The following NUMB variants were observed in gnomAD, a reference collection of about 807,000 sequenced individuals.
NUMB encodes protein numb homolog.
In NUMB, 29 loss-of-function variants were observed where a neutral mutation model predicts 59.7. The observed-to-expected ratio is 0.49, with a 90% CI of 0.36 to 0.66. The LOEUF (loss-of-function observed/expected upper bound fraction) is 0.66. NUMB is among the 30% of genes least tolerant of loss of function. The pLI is 0.00. For missense variants in NUMB, 723 were observed against 822.0 expected, an observed-to-expected ratio of 0.88 and a Z score of 1.47; for synonymous variants, 288 against 288.2, an observed-to-expected ratio of 1.00 and a Z score of 0.01.
chr14:73,304,856 G>A (rs951781097), intron 6 of NUMB, among the ~76,000 whole-genome samples: 2 of 152,064 alleles, frequency 1.3e-5, no homozygotes, highest in East Asian at 1.9e-4. Flanking sequence ...CACCTCCTGC[G>A]TTCAAGCGAT....
At chr14:73,396,321 GGTGTGT>G (rs200195176) in intron 2 of NUMB, among the ~76,000 whole-genome samples, 9,649 of 144,246 alleles carry the variant, frequency 0.067, 526 homozygotes, top group African/African-American at 0.13. Flanking sequence ...AATTATTAGG[GGTGTGT>G]GTGTGTGTGT....
At chr14:73,408,300 A>G (rs1446770793) in intron 2 of NUMB, among the ~76,000 whole-genome samples, 2 of 152,158 alleles carry the variant, frequency 1.3e-5, no homozygotes, top group East Asian at 3.9e-4. Context: ...ACAATCCTGA[A>G]AAAGACTTCC....
intron 4 of NUMB, among the ~76,000 whole-genome samples, chr14:73,340,651 C>T (rs997448123): frequency 4.6e-5 from 7 of 152,174 alleles, no homozygotes; most frequent in African/African-American, 1.7e-4. Context: ...AATGAATTAT[C>T]GGTCTCATAG....
intron 6 of NUMB, among the ~76,000 whole-genome samples, chr14:73,307,355 C>T (rs1330190060): frequency 6.7e-6 from 1 of 149,938 alleles, no homozygotes; most frequent in African/African-American, 2.5e-5. Flanking sequence ...GTGTGTGTGT[C>T]TGGGGGAGAG....
At chr14:73,386,867 ATT>A (rs71112745) in intron 2 of NUMB, among the ~76,000 whole-genome samples, 7 of 79,844 alleles carry the variant, frequency 8.8e-5, no homozygotes, top group East Asian at 5.4e-4. Flanking sequence ...CAGGTGTCTT[ATT>A]TTTTTTTTTT....
rs1220051605 is a variant in NUMB at position 73,309,995 on chromosome 14, A to T, written c.234+6395T>A. 2.0e-5 allele frequency among the ~76,000 whole-genome samples: 3 copies of T among 152,322 alleles called. No individual in the cohort carries two copies. In the East Asian group the frequency reaches 5.8e-4, roughly 29 times the overall value. ...AATGGTGCCATTTAGCAATTGTAAA[A>T]ACATAAAAACTTGAAAAACTATATT... is the stretch of plus-strand genomic sequence containing the variant. On this transcript the variant is annotated intron_variant, in intron 6 of 12. Coordinates refer to ENST00000555238, the MANE Select transcript of NUMB (RefSeq NM_001005743.2).
At position 73,447,510 on chromosome 14, in the gene NUMB, A is replaced by T. The variant is rs369916371; in HGVS notation, c.-233+10983T>A. ...CTCAAAAAATAAATAAATATATATA[A>T]AATTAGTCTAGAGTATTACAGAAAG... is the stretch of plus-strand genomic sequence containing the variant. On this transcript the variant is annotated intron_variant, in intron 1 of 12. Coordinates refer to ENST00000555238, the MANE Select transcript of NUMB (RefSeq NM_001005743.2). Among the ~76,000 whole-genome samples, 14 of 151,962 alleles carry T rather than the reference A, an allele frequency of 9.2e-5. No homozygotes were observed. The South Asian group carries it at 2.3e-3, about 25-fold the overall frequency.
chr14:73,364,998 C>G (rs981794994), intron 3 of NUMB, among the ~76,000 whole-genome samples: 4 of 151,992 alleles, frequency 2.6e-5, no homozygotes, highest in African/African-American at 7.3e-5. Context: ...GCAAAGAAAA[C>G]AAAGAGGAAA....
chr14:73,368,927 A>T (rs1894522396), intron 2 of NUMB, among the ~76,000 whole-genome samples: 1 of 152,228 alleles, frequency 6.6e-6, no homozygotes. Context: ...ATATAAAAAC[A>T]ACTTAAACTA....
chr14:73,458,198 T>G, intron 1 of NUMB: 3 of 151,198 alleles, frequency 2.0e-5, no homozygotes, highest in East Asian at 2.0e-4. Context: ...GTCAGCGCGC[T>G]AGACCGGAGC....
chr14:73,327,349 C>T (rs893291995), intron 4 of NUMB, among the ~76,000 whole-genome samples: 12 of 152,272 alleles, frequency 7.9e-5, no homozygotes, highest in East Asian at 5.8e-4. Context: ...CTCTGCCTCC[C>T]GGGTTCAAGC....
rs189117106 is a variant in NUMB, at chr14:73,340,394, T to G, written c.126+15232A>C. Among the ~76,000 whole-genome samples the G allele has an allele frequency of 1.0e-3, 156 of 152,284 alleles. 1 individual carries two copies. The highest frequency in any genetic ancestry group is 2.3e-3 in the African/African-American group (94 of 41,572). The stretch of plus-strand genomic sequence containing the variant: ...AGGCAAACTGCGCCATCTGGCCCAG[T>G]GGCTGTTTACCTCAGGCTTTCCCCT... On this transcript the variant is annotated intron_variant, in intron 4 of 12. Transcript: ENST00000555238.
At chr14:73,445,812 G>C (rs1160850041) in intron 1 of NUMB, among the ~76,000 whole-genome samples, 1 of 152,120 alleles carries the variant, frequency 6.6e-6, no homozygotes, top group Non-Finnish European at 1.5e-5. Context: ...GGCAATTGGA[G>C]TTCATTTTAC....
chr14:73,406,627 G>C (rs1469097455), intron 2 of NUMB, among the ~76,000 whole-genome samples: 1 of 152,164 alleles, frequency 6.6e-6, no homozygotes, highest in Non-Finnish European at 1.5e-5. Flanking sequence ...CAATGGCTGG[G>C]TCAAATGGTA....
chr14:73,335,239 T>C (rs1892238917), intron 4 of NUMB, among the ~76,000 whole-genome samples: 1 of 148,248 alleles, frequency 6.7e-6, no homozygotes, highest in African/African-American at 2.5e-5. Context: ...ATGGGCATCA[T>C]TCTATCACTT....
chr14:73,289,412 T>C (rs1185106479), intron 8 of NUMB, among the ~76,000 whole-genome samples: 1 of 152,222 alleles, frequency 6.6e-6, no homozygotes, highest in African/African-American at 2.4e-5. Flanking sequence ...ATTTTGCTAA[T>C]TGTGGAATAA....
chr14:73,300,349 G>A (rs542977511), intron 6 of NUMB, among the ~76,000 whole-genome samples: 1 of 152,252 alleles, frequency 6.6e-6, no homozygotes, highest in South Asian at 2.1e-4. Context: ...GTAAAGGAGG[G>A]AGTAGCAAGT....
At position 73,323,223 on chromosome 14, in the gene NUMB, G is replaced by A; in HGVS notation, c.127-19C>T. 1.3e-6 allele frequency: 2 copies of A among 1,567,836 alleles called. No homozygotes were observed. The highest frequency in any genetic ancestry group is 1.1e-5 in the South Asian group (1 of 90,010). On this transcript the variant is annotated intron_variant, in intron 4 of 12. Transcript: ENST00000555238. Reference sequence around the variant, plus strand: ...CAAGGTACTGTAGAAAGAAGGAAAAGTTAGGGCTATTGCTATGTTTACCAA... The same window carrying A: ...CAAGGTACTGTAGAAAGAAGGAAAAATTAGGGCTATTGCTATGTTTACCAA...
intron 9 of NUMB, chr14:73,286,084 G>T (rs368369400): frequency 6.6e-6 from 1 of 151,640 alleles, no homozygotes; most frequent in South Asian, 2.1e-4. Context: ...GAGTGCAGTG[G>T]TATGATCACA....
Sources: allele counts gnomAD v4.1 joint callset (sites outside exome capture counted in the v4.1 genomes callset), GRCh38; gene constraint gnomAD v4.1.1; transcripts MANE v1.5; gene names NCBI Gene and HGNC (gene_info 2026-07-23, HGNC 2026-07-21).